Variants in SPIDR observed in about 807,000 individuals in gnomAD.
SPIDR encodes scaffold protein involved in DNA repair, also known as DNA repair-scaffolding protein.
SPIDR carries 93 observed loss-of-function variants against 104.6 expected under a neutral mutation model. The ratio of observed to expected loss-of-function variants is 0.89; its 90% CI spans 0.75 to 1.06. The LOEUF is 1.06. SPIDR is among the 50% of genes least tolerant of loss of function. The pLI is 0.00. For synonymous variants in SPIDR, 431 were observed against 416.9 expected (o/e 1.03, Z -0.41); for missense variants, 1,154 against 1,111.2 (o/e 1.04, Z -0.55).
chr8:47,486,590 C>T (rs554142760), intron 8 of SPIDR, among the ~76,000 whole-genome samples: 2 of 152,172 alleles, frequency 1.3e-5, no homozygotes, highest in Non-Finnish European at 2.9e-5. Flanking sequence ...ATGTTAAGAG[C>T]ACCCAGAGAG....
intron 8 of SPIDR, among the ~76,000 whole-genome samples, chr8:47,469,079 G>C (rs1554719287): frequency 2.0e-5 from 3 of 151,986 alleles, no homozygotes; most frequent in African/African-American, 7.3e-5. Flanking sequence ...TGGCCAACAA[G>C]CACATGAAAA....
intron 8 of SPIDR, among the ~76,000 whole-genome samples, chr8:47,584,777 A>T (rs543745244): frequency 3.3e-5 from 5 of 152,306 alleles, no homozygotes; most frequent in African/African-American, 1.2e-4. Flanking sequence ...TCCACCTGAC[A>T]GTGTGCATCA....
intron 8 of SPIDR, among the ~76,000 whole-genome samples, chr8:47,458,023 A>C (rs1450988894): frequency 6.6e-6 from 1 of 151,982 alleles, no homozygotes; most frequent in Non-Finnish European, 1.5e-5. Flanking sequence ...AAATCAGGTA[A>C]TGTCATGCCT....
chr8:47,397,501 A>C (rs1427346885), intron 6 of SPIDR, among the ~76,000 whole-genome samples: 1 of 152,208 alleles, frequency 6.6e-6, no homozygotes, highest in African/African-American at 2.4e-5. Flanking sequence ...GTCTCTAAAA[A>C]CAACAACAAA....
chr8:47,338,407 G>A (rs1554611302), intron 5 of SPIDR, among the ~76,000 whole-genome samples: 1 of 152,188 alleles, frequency 6.6e-6, no homozygotes, highest in African/African-American at 2.4e-5. Flanking sequence ...TATTACAGTG[G>A]AAGATGCAGC....
chr8:47,465,543 G>C (rs1002061054), intron 8 of SPIDR, among the ~76,000 whole-genome samples: 3 of 152,130 alleles, frequency 2.0e-5, no homozygotes, highest in African/African-American at 7.2e-5. Flanking sequence ...GACCAGCCTG[G>C]CCAACATGGT....
At chr8:47,299,595 A>G (rs1475137085) in intron 5 of SPIDR, among the ~76,000 whole-genome samples, 7 of 151,984 alleles carry the variant, frequency 4.6e-5, no homozygotes, top group African/African-American at 9.7e-5. Context: ...GTTTGTCATA[A>G]ATAGCTCTTA....
intron 10 of SPIDR, among the ~76,000 whole-genome samples, chr8:47,643,515 GTGTTGT>G (rs33933986): frequency 2.2e-4 from 33 of 148,916 alleles, no homozygotes; most frequent in Non-Finnish European, 3.6e-4. Context: ...CACCTGGCTA[GTGTTGT>G]TGTTGTTGTT....
chr8:47,719,126 C>T (rs920146302), intron 16 of SPIDR, among the ~76,000 whole-genome samples: 19 of 152,060 alleles, frequency 1.2e-4, no homozygotes, highest in Non-Finnish European at 1.8e-4. Flanking sequence ...GGCCTCTCAA[C>T]GTCAGTTAGT....
chr8:47,692,724 A>G (rs1231870376), intron 11 of SPIDR, among the ~76,000 whole-genome samples: 1 of 152,032 alleles, frequency 6.6e-6, no homozygotes, highest in Non-Finnish European at 1.5e-5. Context: ...CTGGGATTAC[A>G]GGTGTGAGCC....
At chr8:47,577,636 C>T (rs1034346517) in intron 8 of SPIDR, among the ~76,000 whole-genome samples, 9 of 152,104 alleles carry the variant, frequency 5.9e-5, no homozygotes, top group Non-Finnish European at 1.2e-4. Context: ...TTTTTGTATC[C>T]GCGGGGATCC....
intron 8 of SPIDR, among the ~76,000 whole-genome samples, chr8:47,488,563 G>A (rs1554734128): frequency 6.6e-6 from 1 of 152,120 alleles, no homozygotes. Context: ...GACAATTTTA[G>A]ACCAATATCC....
At chr8:47,701,699 T>C in intron 12 of SPIDR, 22 bp from the exon 13 acceptor site, 1 of 1,610,944 alleles carries the variant, frequency 6.2e-7, no homozygotes, top group Non-Finnish European at 8.5e-7. Flanking sequence ...ATTCACCTTC[T>C]ACCTTTGTCT....
chr8:47,400,693 T>C (rs1275807382), intron 6 of SPIDR, among the ~76,000 whole-genome samples: 1 of 150,986 alleles, frequency 6.6e-6, no homozygotes, highest in African/African-American at 2.4e-5. Flanking sequence ...TTTTTTTTTT[T>C]TAAATTTGTG....
intron 14 of SPIDR, among the ~76,000 whole-genome samples, chr8:47,707,385 T>C (rs1271933972): frequency 6.6e-6 from 1 of 152,212 alleles, no homozygotes; most frequent in African/African-American, 2.4e-5. Flanking sequence ...ATGTCCTCTT[T>C]GGTAAAATCC....
chr8:47,335,343 A>AT (rs1554608071), intron 5 of SPIDR, among the ~76,000 whole-genome samples: 1 of 152,094 alleles, frequency 6.6e-6, no homozygotes, highest in African/African-American at 2.4e-5. Context: ...CTGACAAGAT[A>AT]TTTTTCCTTC....
At chr8:47,327,523 C>T (rs927399745) in intron 5 of SPIDR, among the ~76,000 whole-genome samples, 10 of 151,986 alleles carry the variant, frequency 6.6e-5, no homozygotes, top group Admixed American at 2.0e-4. Flanking sequence ...ACCTCAGCCT[C>T]TCGAGTAGCT....
chr8:47,586,869 A>G (rs1372187586), intron 8 of SPIDR, among the ~76,000 whole-genome samples: 2 of 152,142 alleles, frequency 1.3e-5, no homozygotes, highest in Non-Finnish European at 2.9e-5. Flanking sequence ...CCTGGGTTCA[A>G]ACAGTTCTCC....
At chr8:47,477,710 T>C (rs1021119173) in intron 8 of SPIDR, among the ~76,000 whole-genome samples, 2 of 152,202 alleles carry the variant, frequency 1.3e-5, no homozygotes. Flanking sequence ...TTTAAAGTTA[T>C]ACTGCTGGCA....
Sources: gnomAD v4.1 joint callset for allele counts (sites outside exome capture counted in the v4.1 genomes callset) on GRCh38, gnomAD v4.1.1 for gene constraint, MANE v1.5 for transcripts, NCBI Gene and HGNC (gene_info 2026-07-23, HGNC 2026-07-21) for gene names.